Variants in DPY19L1 observed in about 807,000 individuals in gnomAD.
DPY19L1 encodes dpy-19 like C-mannosyltransferase 1, also known as protein C-mannosyl-transferase DPY19L1.
In DPY19L1, 35 loss-of-function variants were observed where a neutral mutation model predicts 96.9. The observed-to-expected ratio is 0.36, with a 90% CI of 0.28 to 0.48. The LOEUF (loss-of-function observed/expected upper bound fraction) is 0.48, where lower values mean the gene tolerates loss of function less well. Among genes scored for constraint, DPY19L1 ranks in the 20% least tolerant of loss-of-function variants. The probability of loss-of-function intolerance (pLI) is 0.99; values close to 1 mark genes in which losing one functional copy is unlikely to be tolerated. For synonymous variants in DPY19L1, 205 were observed against 252.6 expected (o/e 0.81, Z 1.79); for missense variants, 521 against 777.9 (o/e 0.67, Z 3.93).
intron 1 of DPY19L1, among the ~76,000 whole-genome samples, chr7:35,028,855 T>C (rs1246766633): frequency 1.3e-5 from 2 of 152,246 alleles, no homozygotes; most frequent in South Asian, 2.1e-4. Context: ...TTAGACCATA[T>C]AGCCTAACTT....
rs1328256886 is a variant in DPY19L1, at chr7:35,037,180, C to G, written c.215G>C (p.Gly72Ala). 4 of 146,374 alleles carry G rather than the reference C, an allele frequency of 2.7e-5. No individual in the cohort carries two copies. The highest frequency in any genetic ancestry group is 5.0e-5 in the African/African-American group (2 of 40,296). 9.1% of individuals were successfully genotyped at this position (146,374 alleles called of 1,614,324 possible). ...GCGCAGCCGGGCGGCCAGGCGCCCCCCAAGGCCGCCCCCGGCGGGCGGCGC... is the reference window on the plus strand; with the variant it reads ...GCGCAGCCGGGCGGCCAGGCGCCCCGCAAGGCCGCCCCCGGCGGGCGGCGC... ...PGAPPAGGGL[G>A]GRLAARLRWA... Residue 72 changes from glycine (G) to alanine (A), a missense_variant, in exon 1 of 22, where the codon GGG becomes GCG. Transcript: ENST00000638088.
rs894406619 is a variant in DPY19L1, at chr7:34,954,625, G to A, written c.1320+73C>T. The A allele has an allele frequency of 7.2e-6, 6 of 836,530 alleles. No homozygotes were observed. The African/African-American group carries it at 1.0e-4, about 15-fold the overall frequency. 51.8% of individuals were successfully genotyped at this position (836,530 alleles called of 1,614,324 possible). ...AGAATTTCATTTAATAGTGATACTT[G>A]AATAACTCAATTTATTCTTAGCCTA... On this transcript the variant is annotated intron_variant, in intron 13 of 21. Transcript: ENST00000638088.
chr7:34,970,143 G>A (rs918026869), intron 8 of DPY19L1, among the ~76,000 whole-genome samples: 3 of 152,106 alleles, frequency 2.0e-5, no homozygotes, highest in African/African-American at 7.2e-5. Context: ...CTAAACCTGT[G>A]AGCCAACGCA....
intron 10 of DPY19L1, among the ~76,000 whole-genome samples, chr7:34,960,175 C>G (rs990484666): frequency 1.3e-5 from 2 of 150,974 alleles, no homozygotes; most frequent in African/African-American, 4.9e-5. Context: ...TATCAATTTC[C>G]ATGTGAATTT....
chr7:34,959,686 G>A (rs1397511526), intron 10 of DPY19L1, among the ~76,000 whole-genome samples: 3 of 151,154 alleles, frequency 2.0e-5, no homozygotes, highest in Non-Finnish European at 2.9e-5. Context: ...GACACAGGGA[G>A]GGGAACATCA....
Position 34,949,820 on chromosome 7 carries a change from C to A in DPY19L1, c.1399G>T (p.Glu467Ter). ...ACCTCTTTTTCCATAAAGTCAAACT[C>A]CGCTGCACAGGTATACAATAAAGTA... is the stretch of plus-strand genomic sequence containing the variant. Reference protein sequence around the residue: ...FDTLLYTCAAEFDFMEKETPL... With the variant: ...FDTLLYTCAA The change falls in exon 14 of 22, where the codon GAG becomes TAG. Residue 467 changes from glutamate (E) to a stop codon, truncating the protein, a stop_gained. Coordinates refer to ENST00000638088, the MANE Select transcript of DPY19L1 (RefSeq NM_001366673.1). LOFTEE classifies it high-confidence loss of function. 1 of 1,604,144 alleles carries A rather than the reference C, an allele frequency of 6.2e-7. No individual in the cohort carries two copies. The highest frequency in any genetic ancestry group is 8.5e-7 in the Non-Finnish European group (1 of 1,175,156).
intron 1 of DPY19L1, among the ~76,000 whole-genome samples, chr7:35,027,377 C>A (rs138863053): frequency 6.6e-6 from 1 of 152,152 alleles, no homozygotes; most frequent in Non-Finnish European, 1.5e-5. Context: ...TTTTGATTTT[C>A]CTGCTCCCCG....
At chr7:35,020,861 A>AC in intron 1 of DPY19L1, among the ~76,000 whole-genome samples, 1 of 152,038 alleles carries the variant, frequency 6.6e-6, no homozygotes, top group Non-Finnish European at 1.5e-5. Flanking sequence ...GGTAAATGCC[A>AC]CCATGCCTGG....
chr7:35,037,807 G>A (rs1786482884), upstream of DPY19L1: 5 of 1,222,610 alleles, frequency 4.1e-6, no homozygotes, highest in Non-Finnish European at 5.1e-6. Flanking sequence ...CTGGCGCCCG[G>A]CTACCCACAC....
chr7:34,958,754 C>G (rs1478935629), intron 10 of DPY19L1, among the ~76,000 whole-genome samples: 4 of 152,182 alleles, frequency 2.6e-5, no homozygotes, highest in Non-Finnish European at 5.9e-5. Context: ...TCTGGCAACA[C>G]TGTATTATTC....
intron 13 of DPY19L1, among the ~76,000 whole-genome samples, chr7:34,953,988 C>T (rs1406101194): frequency 6.6e-6 from 1 of 152,000 alleles, no homozygotes; most frequent in Non-Finnish European, 1.5e-5. Context: ...TAGCATTAAT[C>T]TAGTACAGAA....
chr7:34,931,830 CTTAAA>C, intron 21 of DPY19L1, 101 bp from the exon 22 acceptor site: 3 of 1,434,900 alleles, frequency 2.1e-6, no homozygotes, highest in Non-Finnish European at 2.8e-6. Flanking sequence ...CTTTTTTCCC[CTTAAA>C]TTACTTTAGT....
At chr7:34,996,862 T>C (rs573157649) in intron 6 of DPY19L1, among the ~76,000 whole-genome samples, 8 of 152,242 alleles carry the variant, frequency 5.3e-5, no homozygotes, top group African/African-American at 1.9e-4. Flanking sequence ...CCTCAAATGA[T>C]AAGACCACAC....
intron 8 of DPY19L1, among the ~76,000 whole-genome samples, chr7:34,972,387 T>C (rs959181260): frequency 9.2e-5 from 14 of 152,276 alleles, no homozygotes; most frequent in African/African-American, 3.4e-4. Context: ...CGGAGCAGCA[T>C]CCCCATGCCC....
chr7:34,980,704 T>C (rs1784922045), intron 7 of DPY19L1, among the ~76,000 whole-genome samples: 1 of 152,192 alleles, frequency 6.6e-6, no homozygotes, highest in Admixed American at 6.5e-5. Flanking sequence ...ATATCATTAC[T>C]CATCAGGAAA....
chr7:34,975,059 A>T (rs1784804083), intron 7 of DPY19L1, among the ~76,000 whole-genome samples: 1 of 152,024 alleles, frequency 6.6e-6, no homozygotes, highest in Non-Finnish European at 1.5e-5. Flanking sequence ...CGGGCCTCCA[A>T]ATTCCCTGAG....
chr7:35,037,782 C>T (rs1361576968), upstream of DPY19L1: 3 of 1,186,132 alleles, frequency 2.5e-6, no homozygotes, highest in Non-Finnish European at 2.1e-6. Context: ...CCGGCGCAGG[C>T]GGGGCCCGAC....
At position 34,939,383 on chromosome 7, in the gene DPY19L1, G is replaced by C; in HGVS notation, c.1865-8C>G. On this transcript the variant is annotated splice_region_variant and splice_polypyrimidine_tract_variant and intron_variant, in intron 19 of 21. Transcript: ENST00000638088. ...CACCCGCAAACACTGCATCTGGAAG[G>C]CAAGAGGAATGTCTCAGGAAGACAC... The C allele has an allele frequency of 6.2e-7, 1 of 1,613,406 alleles. No individual in the cohort carries two copies. Among genetic ancestry groups the C allele is most frequent in the Non-Finnish European group, 8.5e-7 (1 of 1,179,500 alleles).
At chr7:34,988,620 G>A (rs534588295) in intron 7 of DPY19L1, among the ~76,000 whole-genome samples, 2 of 152,180 alleles carry the variant, frequency 1.3e-5, no homozygotes, top group Non-Finnish European at 2.9e-5. Flanking sequence ...GATGATTACT[G>A]TTATAGCACA....
Sources: allele counts gnomAD v4.1 joint callset (sites outside exome capture counted in the v4.1 genomes callset), GRCh38; gene constraint gnomAD v4.1.1; transcripts MANE v1.5; gene names NCBI Gene and HGNC (gene_info 2026-07-23, HGNC 2026-07-21).